The following GABRG3 variants were observed in gnomAD, a reference collection of about 807,000 sequenced individuals.
GABRG3 encodes gamma-aminobutyric acid type A receptor subunit gamma3, also known as gamma-aminobutyric acid receptor subunit gamma-3.
In GABRG3, 25 loss-of-function variants were observed where a neutral mutation model predicts 48.8. The ratio of observed to expected loss-of-function variants is 0.51; its 90% confidence interval spans 0.37 to 0.72. The LOEUF is 0.72. Ranked by LOEUF, GABRG3 falls within the 30% of genes least tolerant of loss-of-function variation. The pLI is 0.00. For synonymous variants in GABRG3, 227 were observed against 217.6 expected, an observed-to-expected ratio of 1.04 and a Z score of -0.38; for missense variants, 394 against 577.9, an observed-to-expected ratio of 0.68 and a Z score of 3.26.
intron 5 of GABRG3, among the ~76,000 whole-genome samples, chr15:27,456,696 G>A (rs1232939389): frequency 6.6e-6 from 1 of 152,146 alleles, no homozygotes; most frequent in Non-Finnish European, 1.5e-5. Flanking sequence ...AGGGCTCATA[G>A]CGGAGGAAAT....
intron 3 of GABRG3, among the ~76,000 whole-genome samples, chr15:27,130,247 C>T (rs1264101295): frequency 2.6e-5 from 4 of 151,296 alleles, no homozygotes; most frequent in African/African-American, 4.9e-5. Flanking sequence ...AGATAAAGTC[C>T]CAACTTCATT....
intron 3 of GABRG3, among the ~76,000 whole-genome samples, chr15:27,261,244 A>G (rs937657381): frequency 6.6e-6 from 1 of 152,170 alleles, no homozygotes; most frequent in African/African-American, 2.4e-5. Flanking sequence ...TAAAGTTACA[A>G]AGGTAACCAA....
chr15:27,165,016 T>C (rs1448952803), intron 3 of GABRG3, among the ~76,000 whole-genome samples: 1 of 152,208 alleles, frequency 6.6e-6, no homozygotes, highest in East Asian at 1.9e-4. Flanking sequence ...AAACCATTCA[T>C]ATAAATGTTG....
Position 27,319,015 on chromosome 15 carries a change from T to C in GABRG3, c.271-7794T>C, listed in dbSNP as rs113142167. The stretch of plus-strand genomic sequence containing the variant: ...GTGTACTTGAAATCTGCTAACAATA[T>C]TGTATACTTGTAACTGGCTAAGAGG... On this transcript the variant is annotated intron_variant, in intron 3 of 9. Transcript: ENST00000615808. This position sits in a 1 kb window ranked among gnomAD's most constrained non-coding sequence, Gnocchi z 4.4. 2.6e-5 allele frequency among the ~76,000 whole-genome samples: 4 copies of C among 152,252 alleles called. No homozygotes were observed. Among genetic ancestry groups the C allele is most frequent in the East Asian group, 3.9e-4 (2 of 5,174 alleles).
chr15:27,486,062 GT>G (rs1333353522), intron 6 of GABRG3, among the ~76,000 whole-genome samples: 1 of 152,170 alleles, frequency 6.6e-6, no homozygotes, highest in African/African-American at 2.4e-5. Flanking sequence ...CCCACAGCAG[GT>G]TTTGTGAGAT....
chr15:27,413,325 T>C (rs1457593082), intron 5 of GABRG3, among the ~76,000 whole-genome samples: 1 of 152,196 alleles, frequency 6.6e-6, no homozygotes, highest in Non-Finnish European at 1.5e-5. Context: ...AGGCAAAAAA[T>C]GTAGAAGTAA....
At chr15:27,130,954 T>C (rs1225936851) in intron 3 of GABRG3, among the ~76,000 whole-genome samples, 1 of 152,068 alleles carries the variant, frequency 6.6e-6, no homozygotes, top group Non-Finnish European at 1.5e-5. Flanking sequence ...TCTTTAGGCT[T>C]TTCTACATAT....
At chr15:27,001,570 C>T (rs1895447532) in intron 2 of GABRG3, among the ~76,000 whole-genome samples, 1 of 152,218 alleles carries the variant, frequency 6.6e-6, no homozygotes, top group Non-Finnish European at 1.5e-5. Context: ...TTGGGAGTAG[C>T]AGGAGGACTT....
intron 3 of GABRG3, among the ~76,000 whole-genome samples, chr15:27,065,449 G>A (rs949341003): frequency 2.0e-5 from 3 of 152,166 alleles, no homozygotes; most frequent in South Asian, 2.1e-4. Flanking sequence ...GATGTTTCCC[G>A]ATGGTGAGGA....
At chr15:27,257,704 G>A (rs185840345) in intron 3 of GABRG3, among the ~76,000 whole-genome samples, 2 of 152,196 alleles carry the variant, frequency 1.3e-5, no homozygotes, top group East Asian at 3.9e-4. Context: ...ACATGGTTTT[G>A]CTCTGTTGCC....
chr15:27,065,273 C>T (rs1436143283), intron 3 of GABRG3, among the ~76,000 whole-genome samples: 5 of 152,322 alleles, frequency 3.3e-5, no homozygotes, highest in African/African-American at 7.2e-5. Flanking sequence ...CACAATGAAA[C>T]GTTTAAATAG....
intron 3 of GABRG3, among the ~76,000 whole-genome samples, chr15:27,107,867 A>G (rs985823681): frequency 6.6e-6 from 1 of 151,654 alleles, no homozygotes; most frequent in African/African-American, 2.4e-5. Flanking sequence ...ATAGAATTTT[A>G]TCTAGTATTC....
chr15:27,466,582 A>C (rs1326477959), intron 5 of GABRG3, among the ~76,000 whole-genome samples: 1 of 152,222 alleles, frequency 6.6e-6, no homozygotes, highest in East Asian at 1.9e-4. Flanking sequence ...GGTCAAATGC[A>C]ACAGACCGGG....
intron 3 of GABRG3, among the ~76,000 whole-genome samples, chr15:27,282,834 C>T (rs896041762): frequency 6.6e-6 from 1 of 152,122 alleles, no homozygotes; most frequent in African/African-American, 2.4e-5. Context: ...TGCGATGAAA[C>T]TGGATCTTCT....
intron 3 of GABRG3, among the ~76,000 whole-genome samples, chr15:27,029,939 C>G (rs932583523): frequency 6.6e-6 from 1 of 152,130 alleles, no homozygotes; most frequent in African/African-American, 2.4e-5. Flanking sequence ...TCACATAGAC[C>G]CGCTATATCT....
At chr15:27,414,936 G>A (rs1307194318) in intron 5 of GABRG3, among the ~76,000 whole-genome samples, 3 of 151,962 alleles carry the variant, frequency 2.0e-5, no homozygotes, top group African/African-American at 7.3e-5. Flanking sequence ...TTTGATTTTC[G>A]GGAGTGTGAA....
At chr15:27,187,893 A>C (rs1888149981) in intron 3 of GABRG3, among the ~76,000 whole-genome samples, 5 of 93,884 alleles carry the variant, frequency 5.3e-5, no homozygotes, top group South Asian at 4.3e-4. Flanking sequence ...CCACCCCACA[A>C]CAGTCCCCAG....
At chr15:27,415,308 A>T (rs1241056092) in intron 5 of GABRG3, among the ~76,000 whole-genome samples, 2 of 152,034 alleles carry the variant, frequency 1.3e-5, no homozygotes, top group Non-Finnish European at 2.9e-5. Flanking sequence ...CCTGAGCTGT[A>T]TCCATCTCCT....
chr15:27,531,096 T>C (rs1891412345), intron 9 of GABRG3, among the ~76,000 whole-genome samples: 1 of 152,150 alleles, frequency 6.6e-6, no homozygotes, highest in Non-Finnish European at 1.5e-5. Context: ...TATTTCTGCC[T>C]ACTCATCAGG....
Sources: allele counts gnomAD v4.1 joint callset (sites outside exome capture counted in the v4.1 genomes callset), GRCh38; gene constraint gnomAD v4.1.1; non-coding constraint Gnocchi (gnomAD v3.1); transcripts MANE v1.5; gene names NCBI Gene and HGNC (gene_info 2026-07-23, HGNC 2026-07-21).